Variants in AGO3 observed in about 807,000 individuals in gnomAD.
AGO3 encodes the protein argonaute RISC catalytic component 3, also known as protein argonaute-3.
Under a neutral mutation model 105.5 loss-of-function variants are expected in AGO3, and 16 were observed. The ratio of observed to expected loss-of-function variants is 0.15; its 90% CI spans 0.10 to 0.23. The LOEUF is 0.23. Ranked by LOEUF, AGO3 falls within the 10% of genes least tolerant of loss-of-function variation. AGO3 has a pLI of 1.00. For missense variants in AGO3, 534 were observed against 1,088.0 expected (o/e 0.49, Z 7.16); for synonymous variants, 340 against 367.3 (o/e 0.93, Z 0.85).
intron 16 of AGO3, among the ~76,000 whole-genome samples, chr1:36,040,646 C>G (rs931711908): frequency 7.2e-5 from 11 of 152,152 alleles, no homozygotes; most frequent in Admixed American, 5.9e-4. Context: ...TATTCAAAAT[C>G]TCATTCTACT....
intron 5 of AGO3, among the ~76,000 whole-genome samples, chr1:35,988,363 T>G (rs1434577345): frequency 6.6e-6 from 1 of 152,192 alleles, no homozygotes; most frequent in African/African-American, 2.4e-5. Flanking sequence ...ATAGTCACCA[T>G]GCAGTACATT....
rs555314263 is a variant in AGO3 at position 35,964,681 on chromosome 1, A to C, written c.192-2274A>C. The stretch of plus-strand genomic sequence containing the variant: ...TGGGTTAAATGGTAGTTCTCTTTTT[A>C]CGTCTTTGAGGAATTGCCACACTGC... On this transcript the variant is annotated intron_variant, in intron 2 of 18. Coordinates refer to ENST00000373191, the MANE Select transcript of AGO3 (RefSeq NM_024852.4). 8.5e-4 allele frequency among the ~76,000 whole-genome samples: 130 copies of C among 152,178 alleles called. 1 individual carries two copies. The highest frequency in any genetic ancestry group is 3.1e-3 in the African/African-American group (128 of 41,526).
At chr1:35,937,168 G>A (rs1019288644) in intron 1 of AGO3, among the ~76,000 whole-genome samples, 9 of 152,154 alleles carry the variant, frequency 5.9e-5, no homozygotes, top group East Asian at 5.8e-4. Context: ...TTGGGAGGCC[G>A]AGGCAGGTGG....
At chr1:35,939,267 A>G (rs1022515709) in intron 1 of AGO3, among the ~76,000 whole-genome samples, 7 of 152,098 alleles carry the variant, frequency 4.6e-5, no homozygotes, top group African/African-American at 1.7e-4. Context: ...TGGATACTAA[A>G]CTTGATTAGT....
At chr1:36,040,999 G>A (rs1035966261) in intron 16 of AGO3, among the ~76,000 whole-genome samples, 1 of 149,950 alleles carries the variant, frequency 6.7e-6, no homozygotes, top group Non-Finnish European at 1.5e-5. Context: ...CTTGAACCCA[G>A]GAGGCAGAGG....
At chr1:36,017,200 A>G (rs1640951290) in intron 11 of AGO3, among the ~76,000 whole-genome samples, 1 of 152,190 alleles carries the variant, frequency 6.6e-6, no homozygotes, top group African/African-American at 2.4e-5. Context: ...GGAGACTACT[A>G]TTATGACTCT....
At chr1:36,043,843 C>T (rs1642349899) in intron 17 of AGO3, among the ~76,000 whole-genome samples, 1 of 151,742 alleles carries the variant, frequency 6.6e-6, no homozygotes, top group South Asian at 2.1e-4. Flanking sequence ...CCTGATTGTT[C>T]CTTTAGCATA....
chr1:36,027,274 C>T lies in AGO3; in HGVS notation c.1567C>T (p.Leu523=). The change falls in exon 12 of 19, where the codon CTG becomes TTG. Residue 523 remains leucine (L), a synonymous_variant. Coordinates refer to ENST00000373191, the MANE Select transcript of AGO3 (RefSeq NM_024852.4). The surrounding 1 kb of genome is among the most constrained non-coding windows in gnomAD (Gnocchi z 4.0). ...TGGCCTACAGCTTATTATCGTCATC[C>T]TGCCGGGGAAGACACCAGTGTATGG... is the stretch of plus-strand genomic sequence containing the variant. The part of the protein sequence containing the change: ...YSGLQLIIVI[L]PGKTPVYAEV... The T allele has an allele frequency of 1.2e-5, 20 of 1,613,570 alleles. No homozygotes were observed. The highest frequency in any genetic ancestry group is 1.7e-5 in the Non-Finnish European group (20 of 1,179,674).
At chr1:35,983,658 C>T (rs563558206) in intron 5 of AGO3, among the ~76,000 whole-genome samples, 1 of 151,962 alleles carries the variant, frequency 6.6e-6, no homozygotes, top group Admixed American at 6.5e-5. Context: ...ATTCAGCCCT[C>T]GAAACAACTT....
At position 35,955,404 on chromosome 1, in the gene AGO3, T is replaced by G. The variant is rs192370129; in HGVS notation, c.191+9541T>G. On this transcript the variant is annotated intron_variant, in intron 2 of 18. Coordinates refer to ENST00000373191, the MANE Select transcript of AGO3 (RefSeq NM_024852.4). Reference sequence around the variant, plus strand: ...TAATTTGTTGGCGTGTACTACTGTTTTAATATGTAACTGTAGAAAAAGATG... The same window carrying G: ...TAATTTGTTGGCGTGTACTACTGTTGTAATATGTAACTGTAGAAAAAGATG... Among the ~76,000 whole-genome samples the G allele has an allele frequency of 4.9e-4, 75 of 152,312 alleles. No homozygotes were observed. In the Middle Eastern group the frequency reaches 0.01, roughly 21 times the overall value.
rs567322526 is a variant in AGO3 at position 36,072,381 on chromosome 1, G to A, written c.*16636G>A. On this transcript the variant is annotated 3_prime_UTR_variant, in exon 19 of 19. Transcript: ENST00000373191. ...CATTCTGCCTACTGGAGAGTTCTAT[G>A]TTGTATTTGTTTTTAATCCTTGATT... 1.7e-4 allele frequency: 26 copies of A among 152,276 alleles called. No individual in the cohort carries two copies. Among genetic ancestry groups the A allele is most frequent in the Non-Finnish European group, 2.8e-4 (19 of 68,002 alleles). The allele number at this position is 152,276 out of a possible 1,614,324, so 9.4% of individuals were successfully genotyped here.
rs1643101905 is a variant in AGO3 at position 36,066,804 on chromosome 1, AAT to A, written c.*11065_*11066del. On this transcript the variant is annotated 3_prime_UTR_variant, in exon 19 of 19. Coordinates refer to ENST00000373191, the MANE Select transcript of AGO3 (RefSeq NM_024852.4). The stretch of plus-strand genomic sequence containing the variant: ...AGAAATAGACTAGTAGGATTGTGAG[AAT>A]ATATAGTGAGGGGGGATTTAGGATA... 6.6e-6 allele frequency: 1 copy of A among 152,152 alleles called. No individual in the cohort carries two copies. The highest frequency in any genetic ancestry group is 6.5e-5 in the Admixed American group (1 of 15,270). 9.4% of individuals were successfully genotyped at this position (152,152 alleles called of 1,614,324 possible). A position where few individuals can be genotyped will look rare whatever the true frequency, so the allele number is the denominator to read the frequency against.
chr1:35,968,507 C>G lies in AGO3; in HGVS notation c.312+1432C>G, dbSNP rs369460339. ...CTGAATTTGACTATTCTAGGTACCT[C>G]ATGTAAGTGAAATCATAGATTGTTT... is the stretch of plus-strand genomic sequence containing the variant. On this transcript the variant is annotated intron_variant, in intron 3 of 18. Coordinates refer to ENST00000373191, the MANE Select transcript of AGO3 (RefSeq NM_024852.4). Among the ~76,000 whole-genome samples, 17 of 152,290 alleles carry G rather than the reference C, an allele frequency of 1.1e-4. No homozygotes were observed. The East Asian group carries it at 1.5e-3, about 14-fold the overall frequency.
At chr1:36,032,742 C>A (rs1641837778) in intron 12 of AGO3, among the ~76,000 whole-genome samples, 1 of 152,180 alleles carries the variant, frequency 6.6e-6, no homozygotes, top group Admixed American at 6.5e-5. Context: ...GTAATCCCAG[C>A]ACTTTGGGAG....
chr1:36,010,190 C>T (rs533768158), intron 9 of AGO3, among the ~76,000 whole-genome samples: 15 of 152,054 alleles, frequency 9.9e-5, no homozygotes, highest in South Asian at 2.1e-4. Flanking sequence ...CCGCCCGCCT[C>T]GGCCTCCCAA....
intron 1 of AGO3, among the ~76,000 whole-genome samples, chr1:35,932,700 C>T (rs775422206): frequency 1.3e-5 from 2 of 151,882 alleles, no homozygotes; most frequent in East Asian, 1.9e-4. Flanking sequence ...GATTTCGACT[C>T]TTATTCAGTT....
intron 2 of AGO3, among the ~76,000 whole-genome samples, chr1:35,950,133 A>G (rs1287587200): frequency 2.6e-5 from 4 of 152,000 alleles, no homozygotes; most frequent in Non-Finnish European, 5.9e-5. Context: ...AGGCAGGAGA[A>G]TTGCTTGAAC....
chr1:36,038,467 G>A (rs936894542), intron 14 of AGO3, among the ~76,000 whole-genome samples: 3 of 152,024 alleles, frequency 2.0e-5, no homozygotes, highest in South Asian at 2.1e-4. Context: ...GTGTTAGCCA[G>A]GATGGTCTTG....
chr1:35,959,467 C>A (rs887391725), intron 2 of AGO3, among the ~76,000 whole-genome samples: 1 of 152,142 alleles, frequency 6.6e-6, no homozygotes, highest in Admixed American at 6.5e-5. Flanking sequence ...TGAAAGGAAG[C>A]CACTAAAGAT....
Sources: allele counts gnomAD v4.1 joint callset (sites outside exome capture counted in the v4.1 genomes callset), GRCh38; gene constraint gnomAD v4.1.1; non-coding constraint Gnocchi (gnomAD v3.1); transcripts MANE v1.5; gene names NCBI Gene and HGNC (gene_info 2026-07-23, HGNC 2026-07-21).